The following RBFOX3 variants were observed in gnomAD, a reference collection of about 807,000 sequenced individuals.
The protein encoded by RBFOX3 is RNA binding fox-1 homolog 3.
A neutral mutation model predicts 48.7 loss-of-function variants in RBFOX3; 17 were observed. The observed-to-expected ratio is 0.35, with a 90% CI of 0.24 to 0.52. The LOEUF (loss-of-function observed/expected upper bound fraction) is 0.52. Among genes scored for constraint, RBFOX3 ranks in the 20% least tolerant of loss-of-function variants. RBFOX3 has a pLI of 0.94. For missense variants in RBFOX3, 382 were observed against 497.5 expected (o/e 0.77, Z 2.21); for synonymous variants, 212 against 209.5 (o/e 1.01, Z -0.10).
chr17:79,288,035 C>T (rs1007471310), intron 3 of RBFOX3, among the ~76,000 whole-genome samples: 10 of 152,134 alleles, frequency 6.6e-5, no homozygotes, highest in African/African-American at 2.2e-4. Context: ...TAAGTCCCCA[C>T]GAGGCCCTGC....
chr17:79,120,915 A>G (rs1006435740), intron 4 of RBFOX3, among the ~76,000 whole-genome samples: 2 of 151,946 alleles, frequency 1.3e-5, no homozygotes, highest in African/African-American at 4.8e-5. Context: ...GCCCACACTG[A>G]GGCAGATAAA....
chr17:79,440,772 A>G (rs1410245233), intron 2 of RBFOX3, among the ~76,000 whole-genome samples: 4 of 112,018 alleles, frequency 3.6e-5, no homozygotes, highest in African/African-American at 1.4e-4. Context: ...GCCCCTCCCC[A>G]CCAGAGGAAG....
intron 2 of RBFOX3, among the ~76,000 whole-genome samples, chr17:79,352,224 G>C (rs149677598): frequency 6.6e-6 from 1 of 152,266 alleles, no homozygotes; most frequent in South Asian, 2.1e-4. Flanking sequence ...TCATGGGGGT[G>C]GTTTTTAATG....
At chr17:79,389,968 T>C (rs551385541) in intron 2 of RBFOX3, among the ~76,000 whole-genome samples, 3 of 142,348 alleles carry the variant, frequency 2.1e-5, no homozygotes, top group Non-Finnish European at 4.6e-5. Context: ...CAGGTCTCTG[T>C]AGCCTCCGGG....
intron 4 of RBFOX3, among the ~76,000 whole-genome samples, chr17:79,222,694 T>C (rs2059877993): frequency 6.6e-6 from 1 of 152,202 alleles, no homozygotes; most frequent in Non-Finnish European, 1.5e-5. Flanking sequence ...AGCCTTGTCA[T>C]TGCACATGGA....
At chr17:79,157,349 C>A (rs918854418) in intron 4 of RBFOX3, among the ~76,000 whole-genome samples, 15 of 152,178 alleles carry the variant, frequency 9.9e-5, no homozygotes, top group African/African-American at 3.4e-4. Context: ...GCGGAGAGCC[C>A]AGCTGCCGTC....
At chr17:79,110,109 A>C (rs2030387049) in intron 5 of RBFOX3, among the ~76,000 whole-genome samples, 1 of 139,754 alleles carries the variant, frequency 7.2e-6, no homozygotes, top group Non-Finnish European at 1.5e-5. Flanking sequence ...CAGCTTTCTC[A>C]GGGGCTTTCT....
intron 4 of RBFOX3, among the ~76,000 whole-genome samples, chr17:79,158,830 G>A (rs896091115): frequency 2.0e-5 from 3 of 152,210 alleles, no homozygotes; most frequent in Non-Finnish European, 4.4e-5. Context: ...CTCAGCCCAC[G>A]TGGCAGTCAC....
the RBFOX3 span, among the ~76,000 whole-genome samples, chr17:79,620,585 GCACA>G: frequency 2.8e-3 from 373 of 131,924 alleles, 1 homozygote; most frequent in African/African-American, 0.011. Flanking sequence ...ACACACGCAC[GCACA>G]CACACGCACG....
At chr17:79,230,769 G>A (rs12947809) in intron 4 of RBFOX3, among the ~76,000 whole-genome samples, 23,783 of 151,992 alleles carry the variant, frequency 0.16, 2,207 homozygotes, top group Non-Finnish European at 0.21. Context: ...CCTGTAGCTC[G>A]TCTCCTTCCA....
At chr17:79,349,504 T>C (rs773252658) in intron 2 of RBFOX3, among the ~76,000 whole-genome samples, 20 of 152,102 alleles carry the variant, frequency 1.3e-4, no homozygotes, top group Non-Finnish European at 2.5e-4. Context: ...ATTGAAATTC[T>C]GCTTCTCAGA....
rs1476776098 is a variant in RBFOX3 at position 79,471,262 on chromosome 17, C to T, written c.-175+11192G>A. Among the ~76,000 whole-genome samples the T allele has an allele frequency of 1.3e-5, 2 of 152,244 alleles. No individual in the cohort carries two copies. Among genetic ancestry groups the T allele is most frequent in the South Asian group, 2.1e-4 (1 of 4,824 alleles). The stretch of plus-strand genomic sequence containing the variant: ...CTCTCAGCTCATGGAAAGCGGGGTA[C>T]GTGACCAGCACTGGCCAGGGTGCGA... On this transcript the variant is annotated intron_variant, in intron 2 of 14. Coordinates refer to ENST00000693108, the MANE Select transcript of RBFOX3 (RefSeq NM_001350451.2). The surrounding 1 kb of genome is among the most constrained non-coding windows in gnomAD (Gnocchi z 4.0).
intron 2 of RBFOX3, among the ~76,000 whole-genome samples, chr17:79,347,067 T>C (rs2083043858): frequency 6.6e-6 from 1 of 152,238 alleles, no homozygotes; most frequent in African/African-American, 2.4e-5. Flanking sequence ...TTGCACTGCA[T>C]AGGAGAATGG....
chr17:79,316,642 C>T (rs564246374), intron 2 of RBFOX3, among the ~76,000 whole-genome samples: 1 of 152,364 alleles, frequency 6.6e-6, no homozygotes, highest in African/African-American at 2.4e-5. Context: ...GCCCCAGACC[C>T]CTGCACATCT....
intron 1 of RBFOX3, among the ~76,000 whole-genome samples, chr17:79,581,052 C>G (rs2093041634): frequency 6.6e-6 from 1 of 152,112 alleles, no homozygotes; most frequent in Non-Finnish European, 1.5e-5. Flanking sequence ...TCGAGACCTT[C>G]CTGGCTAACA....
chr17:79,154,871 G>A (rs2045417931), intron 4 of RBFOX3, among the ~76,000 whole-genome samples: 1 of 152,178 alleles, frequency 6.6e-6, no homozygotes, highest in Non-Finnish European at 1.5e-5. Flanking sequence ...AGGTGCACAT[G>A]CACAGGTGGG....
In RBFOX3 at chr17:79,095,588, GGGA is replaced by G. The variant is rs1290862566; in HGVS notation, c.937-17_937-15del. The G allele has an allele frequency of 1.2e-5, 18 of 1,550,364 alleles. No homozygotes were observed. Among genetic ancestry groups the G allele is most frequent in the Non-Finnish European group, 1.5e-5 (17 of 1,146,048 alleles). On this transcript the variant is annotated splice_polypyrimidine_tract_variant and intron_variant, in intron 12 of 14. Transcript: ENST00000693108. ...TGCGTAGCCTCCCTGCAGGGTAAGT[GGGA>G]GGAGAGAGAGCAGAGGGACTTAGTG...
At chr17:79,108,390 G>C (rs1162051434) in intron 5 of RBFOX3, among the ~76,000 whole-genome samples, 1 of 152,258 alleles carries the variant, frequency 6.6e-6, no homozygotes. Flanking sequence ...AGGCTCCAGA[G>C]AGCCATTCCC....
intron 4 of RBFOX3, among the ~76,000 whole-genome samples, chr17:79,197,368 T>C (rs913430184): frequency 4.8e-5 from 7 of 144,958 alleles, no homozygotes; most frequent in Non-Finnish European, 1.0e-4. Context: ...GAAACAGATA[T>C]TTCTTTTCTT....
Sources: gnomAD v4.1 joint callset for allele counts (sites outside exome capture counted in the v4.1 genomes callset) on GRCh38, gnomAD v4.1.1 for gene constraint, Gnocchi (gnomAD v3.1) non-coding constraint, MANE v1.5 for transcripts, NCBI Gene and HGNC (gene_info 2026-07-23, HGNC 2026-07-21) for gene names.